Variants in C18orf63 observed in about 807,000 individuals in gnomAD.
C18orf63 encodes the protein chromosome 18 open reading frame 63.
A neutral mutation model predicts 75.3 loss-of-function variants in C18orf63; 50 were observed. The observed-to-expected ratio is 0.66, with a 90% CI of 0.53 to 0.84. The LOEUF is 0.84. C18orf63 is among the 40% of genes least tolerant of loss of function. C18orf63 has a pLI of 0.00. For missense variants in C18orf63, 732 were observed against 800.2 expected (o/e 0.91, Z 1.03); for synonymous variants, 232 against 267.6 (o/e 0.87, Z 1.30).
intron 7 of C18orf63, among the ~76,000 whole-genome samples, chr18:74,337,517 T>G (rs1984412060): frequency 6.6e-6 from 1 of 152,148 alleles, no homozygotes; most frequent in Non-Finnish European, 1.5e-5. Flanking sequence ...AATTCAATTT[T>G]AAGTTCTGTT....
rs539777045 is a variant in C18orf63 at position 74,356,600 on chromosome 18, T to C, written c.*153T>C. 1 of 152,744 alleles carries C rather than the reference T, an allele frequency of 6.5e-6. No homozygotes were observed. The highest frequency in any genetic ancestry group is 6.5e-5 in the Admixed American group (1 of 15,302). 9.5% of individuals were successfully genotyped at this position (152,744 alleles called of 1,614,324 possible). A position where few individuals can be genotyped will look rare whatever the true frequency, so the allele number is the denominator to read the frequency against. ...CCTTTTTCACTTGACAGTTTCTTTT[T>C]ATTGTTTGCATAGCATCTTGTTGTA... On this transcript the variant is annotated 3_prime_UTR_variant, in exon 14 of 14. Coordinates refer to ENST00000579455, the MANE Select transcript of C18orf63 (RefSeq NM_001174123.2).
rs922829346 is a variant in C18orf63 at position 74,353,718 on chromosome 18, G to A, written c.1451G>A (p.Gly484Asp). ...ATCCAGCATGACAAACTGAATTTAG[G>A]TCCAGCTATAAAAAACCGTTATAGT... ...SMIQHDKLNL[G>D]PAIKNRYSSN... Residue 484 changes from glycine to aspartate, a missense_variant, in exon 12 of 14, where the codon GGT becomes GAT. Coordinates refer to ENST00000579455, the MANE Select transcript of C18orf63 (RefSeq NM_001174123.2). The A allele has an allele frequency of 8.5e-6, 13 of 1,535,864 alleles. No individual in the cohort carries two copies. The African/African-American group carries it at 1.5e-4, about 18-fold the overall frequency.
At position 74,320,438 on chromosome 18, in the gene C18orf63, T is replaced by G. The variant is rs1302706234; in HGVS notation, c.135-75T>G. ...CCCTTGCCAACACTGGGGATTATAA[T>G]TCAACATGAGATTTGGGTGGGGACA... On this transcript the variant is annotated intron_variant, in intron 2 of 13. Coordinates refer to ENST00000579455, the MANE Select transcript of C18orf63 (RefSeq NM_001174123.2). The G allele has an allele frequency of 2.6e-5, 26 of 1,013,948 alleles. No individual in the cohort carries two copies. The East Asian group carries it at 7.1e-4, about 28-fold the overall frequency. The allele number at this position is 1,013,948 out of a possible 1,614,324, so 62.8% of individuals were successfully genotyped here.
chr18:74,339,781 C>T (rs760930193), intron 8 of C18orf63, among the ~76,000 whole-genome samples: 9 of 152,130 alleles, frequency 5.9e-5, no homozygotes, highest in African/African-American at 9.7e-5. Context: ...AACTAATAAA[C>T]AGATTCAGTA....
chr18:74,316,663 G>C (rs1441625129), intron 1 of C18orf63, among the ~76,000 whole-genome samples: 1 of 152,102 alleles, frequency 6.6e-6, no homozygotes, highest in Non-Finnish European at 1.5e-5. Context: ...TGAAATCCTG[G>C]GACAGAAACG....
intron 11 of C18orf63, among the ~76,000 whole-genome samples, chr18:74,343,996 A>C (rs1984531016): frequency 6.6e-6 from 1 of 152,074 alleles, no homozygotes; most frequent in Admixed American, 6.6e-5. Flanking sequence ...TTTTATGAAG[A>C]GTATTTATTT....
At position 74,352,746 on chromosome 18, in the gene C18orf63, G is replaced by T. The variant is rs142946700; in HGVS notation, c.979-500G>T. Among the ~76,000 whole-genome samples the T allele has an allele frequency of 5.2e-4, 79 of 152,336 alleles. 1 individual carries two copies. In the East Asian group the frequency reaches 0.012, roughly 24 times the overall value. Reference sequence around the variant, plus strand: ...CAAGAATCTGGTACCTACTTAGGAAGATGGAATATGTGCACTAAAAGATAA... The same window carrying T: ...CAAGAATCTGGTACCTACTTAGGAATATGGAATATGTGCACTAAAAGATAA... On this transcript the variant is annotated intron_variant, in intron 11 of 13. Coordinates refer to ENST00000579455, the MANE Select transcript of C18orf63 (RefSeq NM_001174123.2).
rs1177319298 is a variant in C18orf63 at position 74,318,001 on chromosome 18, TA to T, written c.134+9del. ...GACTATACAAATGAAGATGTGCAGGTAAAAAAATACATCTTATAACTAAGAC... is the reference window on the plus strand; with the variant it reads ...GACTATACAAATGAAGATGTGCAGGTAAAAAATACATCTTATAACTAAGAC... On this transcript the variant is annotated splice_donor_region_variant and intron_variant, in intron 2 of 13. Transcript: ENST00000579455. The T allele has an allele frequency of 1.4e-5, 21 of 1,478,758 alleles. No homozygotes were observed. The highest frequency in any genetic ancestry group is 1.6e-5 in the Non-Finnish European group (18 of 1,116,282). The allele number at this position is 1,478,758 out of a possible 1,614,324, so 91.6% of individuals were successfully genotyped here.
chr18:74,344,449 A>G (rs1984538993), intron 11 of C18orf63, among the ~76,000 whole-genome samples: 1 of 148,546 alleles, frequency 6.7e-6, no homozygotes, highest in Non-Finnish European at 1.5e-5. Context: ...CTTAATGAAT[A>G]TCAAACGTCC....
intron 5 of C18orf63, 46 bp downstream of exon 5, chr18:74,328,104 G>A (rs1468317836): frequency 1.7e-5 from 18 of 1,089,930 alleles, no homozygotes; most frequent in Admixed American, 4.0e-5. Flanking sequence ...ACTAGATTAC[G>A]TCTGTTATGT....
intron 13 of C18orf63, among the ~76,000 whole-genome samples, chr18:74,354,986 G>T (rs1984739227): frequency 6.6e-6 from 1 of 152,220 alleles, no homozygotes; most frequent in Non-Finnish European, 1.5e-5. Flanking sequence ...TGCTGGCTAT[G>T]TTTAAACTTG....
chr18:74,352,691 A>G (rs947855892), intron 11 of C18orf63, among the ~76,000 whole-genome samples: 2 of 152,228 alleles, frequency 1.3e-5, no homozygotes, highest in Admixed American at 6.5e-5. Flanking sequence ...TGAAGGATAT[A>G]AGAGTAAATA....
chr18:74,340,066 A>G (rs1368966595), intron 8 of C18orf63, among the ~76,000 whole-genome samples: 5 of 152,262 alleles, frequency 3.3e-5, no homozygotes, highest in African/African-American at 1.2e-4. Context: ...GAGTGAAGAG[A>G]CAACTTACAG....
chr18:74,344,572 T>C (rs923995956), intron 11 of C18orf63, among the ~76,000 whole-genome samples: 9 of 152,122 alleles, frequency 5.9e-5, no homozygotes, highest in African/African-American at 9.7e-5. Flanking sequence ...ACCACTACTA[T>C]GGAAATTATT....
At position 74,353,780 on chromosome 18, in the gene C18orf63, CAGG is replaced by C; in HGVS notation, c.1516_1518del (p.Glu506del). On this transcript the variant is annotated inframe_deletion, in exon 12 of 14. Transcript: ENST00000579455. ...GATGCAGGCTGCTAACAATTTAAAT[CAGG>C]AGAATTCCAGACCTCTGCAAGAAAA... 1 of 1,535,902 alleles carries C rather than the reference CAGG, an allele frequency of 6.5e-7. No homozygotes were observed. Among genetic ancestry groups the C allele is most frequent in the Non-Finnish European group, 8.7e-7 (1 of 1,146,828 alleles).
intron 10 of C18orf63, 146 bp from the exon 11 acceptor site, chr18:74,343,373 G>A: frequency 2.2e-6 from 1 of 464,974 alleles, no homozygotes; most frequent in South Asian, 4.8e-5. Flanking sequence ...TTCATCTGTG[G>A]ATGGTATCAG....
At chr18:74,324,380 A>G (rs1984173395) in intron 4 of C18orf63, among the ~76,000 whole-genome samples, 1 of 152,190 alleles carries the variant, frequency 6.6e-6, no homozygotes, top group Non-Finnish European at 1.5e-5. Context: ...TTTCAATGTT[A>G]ATATTACAAG....
At position 74,323,074 on chromosome 18, in the gene C18orf63, C is replaced by G. The variant is rs565236236; in HGVS notation, c.270+320C>G. 3.3e-5 allele frequency among the ~76,000 whole-genome samples: 5 copies of G among 152,262 alleles called. No individual in the cohort carries two copies. In the East Asian group the frequency reaches 7.7e-4, roughly 23 times the overall value. On this transcript the variant is annotated intron_variant, in intron 4 of 13. Coordinates refer to ENST00000579455, the MANE Select transcript of C18orf63 (RefSeq NM_001174123.2). Reference sequence around the variant, plus strand: ...TGGGATTATTGTCCACATTATATAGCTAATATGTAGAGAAATAAAATACTA... The same window carrying G: ...TGGGATTATTGTCCACATTATATAGGTAATATGTAGAGAAATAAAATACTA...
chr18:74,349,692 G>A (rs749239031), intron 11 of C18orf63, among the ~76,000 whole-genome samples: 24 of 152,070 alleles, frequency 1.6e-4, no homozygotes, highest in Non-Finnish European at 1.2e-4. Flanking sequence ...CCGGTCCATG[G>A]AAAAATTGTC....
Sources: gnomAD v4.1 joint callset for allele counts (sites outside exome capture counted in the v4.1 genomes callset) on GRCh38, gnomAD v4.1.1 for gene constraint, MANE v1.5 for transcripts, NCBI Gene and HGNC (gene_info 2026-07-23, HGNC 2026-07-21) for gene names.